ARHGAP1: variants seen among roughly 807,000 people sequenced by gnomAD.
ARHGAP1 encodes Rho GTPase activating protein 1, also known as rho GTPase-activating protein 1.
In ARHGAP1, 23 loss-of-function variants were observed where a neutral mutation model predicts 52.2. That is an observed-to-expected ratio of 0.44 (90% CI 0.32 to 0.62). The LOEUF is 0.62. Among genes scored for constraint, ARHGAP1 ranks in the 20% least tolerant of loss-of-function variants. The pLI is 0.05. For synonymous variants in ARHGAP1, 210 were observed against 228.4 expected, an observed-to-expected ratio of 0.92 and a Z score of 0.73; for missense variants, 480 against 560.9, an observed-to-expected ratio of 0.86 and a Z score of 1.46.
chr11:46,686,573 G>A (rs1024731399), intron 4 of ARHGAP1, among the ~76,000 whole-genome samples: 1 of 151,844 alleles, frequency 6.6e-6, no homozygotes. Context: ...CCGCCACCAC[G>A]CCTGGCTAAT....
intron 4 of ARHGAP1, among the ~76,000 whole-genome samples, chr11:46,686,238 C>T (rs2064567703): frequency 6.6e-6 from 1 of 151,926 alleles, no homozygotes; most frequent in Admixed American, 6.6e-5. Context: ...CCCACCTTGG[C>T]CTCCCAAAGT....
Position 46,679,767 on chromosome 11 carries a change from A to G in ARHGAP1, c.908T>C (p.Val303Ala), listed in dbSNP as rs752868732. ...VQQKYNMGLP[V>A]DFDQYNELHL... is the part of the protein sequence containing the mutation. ...CAGCTCATTGTACTGGTCGAAATCC[A>G]CAGGCAGCCCTGGGGTGGGGGCAGC... Residue 303 changes from valine (V) to alanine (A), a missense_variant, in exon 11 of 13, where the codon GTG (valine) becomes GCG (alanine). Physicochemically the swap from Val to Ala is moderately conservative, Grantham distance 64. Transcript: ENST00000311956. The surrounding 1 kb of genome is among the most constrained non-coding windows in gnomAD (Gnocchi z 4.4). 3 of 1,613,616 alleles carry G rather than the reference A, an allele frequency of 1.9e-6. No homozygotes were observed. Among genetic ancestry groups the G allele is most frequent in the Non-Finnish European group, 2.5e-6 (3 of 1,179,910 alleles).
In ARHGAP1 at chr11:46,680,788, C is replaced by G; in HGVS notation, c.636-41G>C. 1 of 1,420,864 alleles carries G rather than the reference C, an allele frequency of 7.0e-7. No individual in the cohort carries two copies. The highest frequency in any genetic ancestry group is 9.5e-7 in the Non-Finnish European group (1 of 1,052,150). The allele number at this position is 1,420,864 out of a possible 1,614,324, so 88.0% of individuals were successfully genotyped here. On this transcript the variant is annotated intron_variant, in intron 7 of 12. Coordinates refer to ENST00000311956, the MANE Select transcript of ARHGAP1 (RefSeq NM_004308.5). The surrounding 1 kb of genome is among the most constrained non-coding windows in gnomAD (Gnocchi z 5.9). ...GAGGTGGGTCAGGTCCTGCCTGGCT[C>G]TGGAGTCACTCTGCCAATTCAATCA...
At position 46,681,099 on chromosome 11, in the gene ARHGAP1, C is replaced by T. The variant is rs2064523066; in HGVS notation, c.547G>A (p.Gly183Arg). The T allele has an allele frequency of 1.9e-6, 3 of 1,614,138 alleles. No homozygotes were observed. Among genetic ancestry groups the T allele is most frequent in the Non-Finnish European group, 2.5e-6 (3 of 1,179,998 alleles). Residue 183 changes from glycine to arginine, a missense_variant, in exon 7 of 13, where the codon GGG becomes AGG. Transcript: ENST00000311956. This position sits in a 1 kb window ranked among gnomAD's most constrained non-coding sequence, Gnocchi z 5.7. ...LFKPLISFKF[G>R]QKIFYVNYLS... is the part of the protein sequence containing the mutation. ...TAATTCACATAGAAGATCTTCTGCC[C>T]GAACTTGAAGCTGTTGGTGGAAGAA... is the stretch of plus-strand genomic sequence containing the variant.
At chr11:46,682,771 C>T (rs572126060) in intron 4 of ARHGAP1, among the ~76,000 whole-genome samples, 1 of 152,294 alleles carries the variant, frequency 6.6e-6, no homozygotes, top group South Asian at 2.1e-4. Context: ...CCTGCCTAGG[C>T]CTGCAGTGAA....
rs1289693500 is a variant in ARHGAP1, at chr11:46,679,090, G to A, written c.1267C>T (p.Leu423Phe). The A allele has an allele frequency of 9.9e-6, 16 of 1,614,114 alleles. No individual in the cohort carries two copies. Among genetic ancestry groups the A allele is most frequent in the Non-Finnish European group, 1.4e-5 (16 of 1,180,032 alleles). The change falls in exon 13 of 13, where the codon CTT becomes TTT. Residue 423 changes from leucine (L) to phenylalanine (F), a missense_variant. Transcript: ENST00000311956. This position sits in a 1 kb window ranked among gnomAD's most constrained non-coding sequence, Gnocchi z 4.4. ...INPINTFTKF[L>F]LDHQGELFPS... ...AACAGCTCCCCTTGGTGATCCAGAA[G>A]GAACTTGGTGAAGGTGTTGATGGGA...
At chr11:46,688,001 T>C in intron 4 of ARHGAP1, 172 bp downstream of exon 4, 1 of 600,988 alleles carries the variant, frequency 1.7e-6, no homozygotes, top group Non-Finnish European at 2.8e-6. Context: ...TAGGTCTGAC[T>C]CCTCGTCCAG....
intron 3 of ARHGAP1, among the ~76,000 whole-genome samples, chr11:46,694,650 G>A (rs1450438716): frequency 6.6e-6 from 1 of 152,154 alleles, no homozygotes; most frequent in Non-Finnish European, 1.5e-5. Flanking sequence ...GAACCTTCAA[G>A]GTGACTTTCC....
At chr11:46,690,304 A>G (rs7926389) in intron 3 of ARHGAP1, among the ~76,000 whole-genome samples, 41,102 of 151,710 alleles carry the variant, frequency 0.27, 8,474 homozygotes, top group African/African-American at 0.59. Context: ...GGAGAATGGC[A>G]TGAACCCAGG....
intron 4 of ARHGAP1, among the ~76,000 whole-genome samples, chr11:46,685,827 T>C (rs2064564467): frequency 6.7e-6 from 1 of 149,832 alleles, no homozygotes; most frequent in African/African-American, 2.5e-5. Flanking sequence ...TACAGGCACA[T>C]GCCATCATGC....
chr11:46,680,496 G>C lies in ARHGAP1; in HGVS notation c.811C>G (p.Gln271Glu). Residue 271 changes from glutamine to glutamate, a missense_variant, in exon 9 of 13, where the codon CAG (glutamine) becomes GAG (glutamate). By Grantham distance (29) the Gln-to-Glu change is conservative. Transcript: ENST00000311956. The surrounding 1 kb of genome is among the most constrained non-coding windows in gnomAD (Gnocchi z 5.9). ...CAGGCCCGGCACTCACCGTGGGCCT[G>C]TAAGTAGGCAACAGTCTCCCTGAGT... ...IVLRETVAYL[Q>E]AHALTTEGIF... 6.2e-7 allele frequency: 1 copy of C among 1,613,970 alleles called. No individual in the cohort carries two copies. The highest frequency in any genetic ancestry group is 8.5e-7 in the Non-Finnish European group (1 of 1,179,956).
rs772928664 is a variant in ARHGAP1 at position 46,695,955 on chromosome 11, G to C, written c.133+20C>G. ...CCCTCTAAAGCGCCTGTAGCTGCCT[G>C]AGACCAGACACAAGCCCACCTGACT... On this transcript the variant is annotated intron_variant, in intron 2 of 12. Transcript: ENST00000311956. 6.2e-7 allele frequency: 1 copy of C among 1,614,178 alleles called. No homozygotes were observed. The highest frequency in any genetic ancestry group is 8.5e-7 in the Non-Finnish European group (1 of 1,180,028).
rs1397577601 is a variant in ARHGAP1, at chr11:46,680,035, G to A, written c.898+170C>T. ...GCCTATACCCAGGACCCGGGAGCCC[G>A]ACCGATGAGGCAGCAGGCCTGGCAG... On this transcript the variant is annotated intron_variant, in intron 10 of 12. Coordinates refer to ENST00000311956, the MANE Select transcript of ARHGAP1 (RefSeq NM_004308.5). The surrounding 1 kb of genome is among the most constrained non-coding windows in gnomAD (Gnocchi z 5.9). 2.0e-5 allele frequency among the ~76,000 whole-genome samples: 3 copies of A among 152,148 alleles called. No individual in the cohort carries two copies. The highest frequency in any genetic ancestry group is 2.1e-4 in the South Asian group (1 of 4,826).
intron 3 of ARHGAP1, chr11:46,695,124 T>G: frequency 4.0e-6 from 1 of 249,242 alleles, no homozygotes; most frequent in South Asian, 4.9e-5. Context: ...GGGAGCTCCC[T>G]GAGACAGAGA....
intron 3 of ARHGAP1, among the ~76,000 whole-genome samples, chr11:46,691,257 G>A (rs578142616): frequency 6.6e-6 from 1 of 152,116 alleles, no homozygotes; most frequent in East Asian, 1.9e-4. Context: ...ATTAAACTAT[G>A]GGATGCCTGG....
At chr11:46,694,055 C>T (rs779521631) in intron 3 of ARHGAP1, among the ~76,000 whole-genome samples, 3 of 152,160 alleles carry the variant, frequency 2.0e-5, no homozygotes, top group African/African-American at 4.8e-5. Flanking sequence ...GACATCTCCA[C>T]GGTCTCACCA....
Position 46,680,869 on chromosome 11 carries a change from C to T in ARHGAP1, c.636-122G>A, listed in dbSNP as rs574563896. On this transcript the variant is annotated intron_variant, in intron 7 of 12. Transcript: ENST00000311956. The surrounding 1 kb of genome is among the most constrained non-coding windows in gnomAD (Gnocchi z 5.9). ...TCTCATGCGATCTCTGTAACAACTC[C>T]GCTTTCCACAGCAGAAAGCAAAGAC... 157 of 1,074,656 alleles carry T rather than the reference C, an allele frequency of 1.5e-4. No individual in the cohort carries two copies. In the African/African-American group the frequency reaches 2.3e-3, roughly 16 times the overall value. The allele number at this position is 1,074,656 out of a possible 1,614,324, so 66.6% of individuals were successfully genotyped here.
At position 46,691,823 on chromosome 11, in the gene ARHGAP1, G is replaced by A. The variant is rs534680910; in HGVS notation, c.230-3563C>T. Reference sequence around the variant, plus strand: ...GGCTGGTCTCCAACTCCTGACCTCAGATGATCTGCACGCCTCAGCCTCCCA... The same window carrying A: ...GGCTGGTCTCCAACTCCTGACCTCAAATGATCTGCACGCCTCAGCCTCCCA... On this transcript the variant is annotated intron_variant, in intron 3 of 12. Coordinates refer to ENST00000311956, the MANE Select transcript of ARHGAP1 (RefSeq NM_004308.5). Among the ~76,000 whole-genome samples, 3 of 152,156 alleles carry A rather than the reference G, an allele frequency of 2.0e-5. No homozygotes were observed. The South Asian group carries it at 6.2e-4, about 32-fold the overall frequency.
rs778011164 is a variant in ARHGAP1, at chr11:46,679,776, C to G, written c.899G>C (p.Gly300Ala). 1 of 1,613,216 alleles carries G rather than the reference C, an allele frequency of 6.2e-7. No individual in the cohort carries two copies. Among genetic ancestry groups the G allele is most frequent in the Non-Finnish European group, 8.5e-7 (1 of 1,179,874 alleles). ...GTACTGGTCGAAATCCACAGGCAGCCCTGGGGTGGGGGCAGCGTGAGAGAA... is the reference window on the plus strand; with the variant it reads ...GTACTGGTCGAAATCCACAGGCAGCGCTGGGGTGGGGGCAGCGTGAGAGAA... The part of the protein sequence containing the change: ...VREVQQKYNM[G>A]LPVDFDQYNE... Residue 300 changes from glycine to alanine, a missense_variant and splice_region_variant, in exon 11 of 13, where the codon GGG becomes GCG. Physicochemically the swap from Gly to Ala is moderately conservative, Grantham distance 60. Transcript: ENST00000311956. This position sits in a 1 kb window ranked among gnomAD's most constrained non-coding sequence, Gnocchi z 4.4.
Sources: allele counts gnomAD v4.1 joint callset (sites outside exome capture counted in the v4.1 genomes callset), GRCh38; gene constraint gnomAD v4.1.1; non-coding constraint Gnocchi (gnomAD v3.1); transcripts MANE v1.5; gene names NCBI Gene and HGNC (gene_info 2026-07-23, HGNC 2026-07-21).